ARHGAP45: variants seen among roughly 807,000 people sequenced by gnomAD.
ARHGAP45 encodes the protein Rho GTPase activating protein 45, also known as rho GTPase-activating protein 45.
ARHGAP45 carries 56 observed loss-of-function variants against 116.1 expected under a neutral mutation model. The observed-to-expected ratio is 0.48, with a 90% CI of 0.39 to 0.60. The LOEUF (loss-of-function observed/expected upper bound fraction) is 0.60. ARHGAP45 is among the 20% of genes least tolerant of loss of function. The pLI is 0.00. For missense variants in ARHGAP45, 1,622 were observed against 1,601.0 expected (o/e 1.01, Z -0.22); for synonymous variants, 866 against 701.7 (o/e 1.23, Z -3.70).
Position 1,071,435 on chromosome 19 carries a change from G to T in ARHGAP45, c.422-1714G>T. The T allele has an allele frequency of 9.4e-7, 1 of 1,059,576 alleles. No individual in the cohort carries two copies. Among genetic ancestry groups the T allele is most frequent in the Non-Finnish European group, 1.1e-6 (1 of 871,776 alleles). The allele number at this position is 1,059,576 out of a possible 1,614,324, so 65.6% of individuals were successfully genotyped here. ...GCGCTCGGGCCGTTTGCCGCCCGCG[G>T]TGGGGGAGCAGCGGCTGCCGCGCGC... On this transcript the variant is annotated intron_variant, in intron 2 of 22. Coordinates refer to ENST00000313093, the MANE Select transcript of ARHGAP45 (RefSeq NM_012292.5). The surrounding 1 kb of genome is among the most constrained non-coding windows in gnomAD (Gnocchi z 4.6).
rs1296695238 is a variant in ARHGAP45 at position 1,080,717 on chromosome 19, G to A, written c.1948G>A (p.Gly650Ser). Residue 650 changes from glycine (G) to serine (S), a missense_variant, in exon 16 of 23, where the codon GGT becomes AGT. By Grantham distance (56) the Gly-to-Ser change is moderately conservative. This residue lies in a region of ARHGAP45 where 1,334 missense variants were observed against 1,263.8 expected (regional missense o/e 1.06). Coordinates refer to ENST00000313093, the MANE Select transcript of ARHGAP45 (RefSeq NM_012292.5). ...FKKFERTSSS[G>S]TMSSTEELVD... is the part of the protein sequence containing the mutation. The stretch of plus-strand genomic sequence containing the variant: ...GAAGTTCGAGCGGACGTCATCCAGT[G>A]GTACCATGTCGTCCACGGAGGAGCT... 1 of 1,613,614 alleles carries A rather than the reference G, an allele frequency of 6.2e-7. No individual in the cohort carries two copies. The highest frequency in any genetic ancestry group is 1.1e-5 in the South Asian group (1 of 91,078).
In ARHGAP45 at chr19:1,085,669, T is replaced by C; in HGVS notation, c.3074T>C (p.Val1025Ala). 1 of 1,566,700 alleles carries C rather than the reference T, an allele frequency of 6.4e-7. No homozygotes were observed. The highest frequency in any genetic ancestry group is 1.2e-5 in the South Asian group (1 of 86,434). ...AAADGCRESR[V>A]VSNDSDSDLE... ...TGTCTCCCTTTCTTAGAATCCCGAG[T>C]TGTGTCCAACGATTCGGACTCGGAC... Residue 1025 changes from valine (V) to alanine (A), a missense_variant, in exon 23 of 23, where the codon GTT becomes GCT. Val to Ala is a moderately conservative substitution (Grantham distance 64). Coordinates refer to ENST00000313093, the MANE Select transcript of ARHGAP45 (RefSeq NM_012292.5).
intron 1 of ARHGAP45, 107 bp downstream of exon 1, chr19:1,067,602 C>A: frequency 9.3e-7 from 1 of 1,071,148 alleles, no homozygotes; most frequent in Non-Finnish European, 1.4e-6. Context: ...GGGCTCGTGC[C>A]AGCTACAGCC....
In ARHGAP45 at chr19:1,068,759, G is replaced by T. The variant is rs1432489517; in HGVS notation, c.421+15G>T. On this transcript the variant is annotated intron_variant, in intron 2 of 22. Coordinates refer to ENST00000313093, the MANE Select transcript of ARHGAP45 (RefSeq NM_012292.5). This position sits in a 1 kb window ranked among gnomAD's most constrained non-coding sequence, Gnocchi z 7.5. ...GTTGCGTGACGGTGAGAGCCACGGGGACACCGAGGCCTGGGTGGAAGACAG... is the reference window on the plus strand; with the variant it reads ...GTTGCGTGACGGTGAGAGCCACGGGTACACCGAGGCCTGGGTGGAAGACAG... 1.9e-6 allele frequency: 3 copies of T among 1,606,860 alleles called. No individual in the cohort carries two copies. The highest frequency in any genetic ancestry group is 1.7e-5 in the Admixed American group (1 of 59,828).
intron 1 of ARHGAP45, among the ~76,000 whole-genome samples, chr19:1,067,958 G>C (rs545501142): frequency 2.1e-5 from 3 of 146,288 alleles, no homozygotes; most frequent in African/African-American, 5.0e-5. Context: ...CAAAGCTGGG[G>C]GGGGGGTCTA....
chr19:1,074,042 C>T (rs2043187729), intron 6 of ARHGAP45, 28 bp downstream of exon 6: 1 of 1,601,430 alleles, frequency 6.2e-7, no homozygotes, highest in Non-Finnish European at 8.5e-7. Flanking sequence ...GGCAGGCAGG[C>T]ATTTGAGGGG....
intron 22 of ARHGAP45, 80 bp downstream of exon 22, chr19:1,084,426 T>A (rs1199029747): frequency 9.1e-7 from 1 of 1,095,060 alleles, no homozygotes; most frequent in Non-Finnish European, 1.4e-6. Flanking sequence ...GACCTAGTTG[T>A]ACACACGTGG....
chr19:1,073,827 C>T (rs960255124), intron 5 of ARHGAP45, 81 bp downstream of exon 5: 2 of 1,533,632 alleles, frequency 1.3e-6, no homozygotes, highest in Admixed American at 2.0e-5. Context: ...CAGACAGTCA[C>T]CCTGCTTCCC....
intron 22 of ARHGAP45, among the ~76,000 whole-genome samples, chr19:1,084,909 C>T (rs2043558735): frequency 6.6e-6 from 1 of 152,114 alleles, no homozygotes; most frequent in African/African-American, 2.4e-5. Context: ...TGGTGAAATC[C>T]CATCTCTACT....
chr19:1,084,456 C>T, intron 22 of ARHGAP45, 110 bp downstream of exon 22: 1 of 740,158 alleles, frequency 1.4e-6, no homozygotes, highest in Admixed American at 2.8e-5. Context: ...CGGTGCTGCA[C>T]ATTCTGTGGA....
At chr19:1,077,473 T>C (rs563195495) in intron 10 of ARHGAP45, 3 of 1,028,698 alleles carry the variant, frequency 2.9e-6, no homozygotes, top group South Asian at 5.8e-5. Context: ...GCCTCCTGGG[T>C]TCAAGCTGTT....
chr19:1,066,833 C>CCG (rs1555704621), upstream of ARHGAP45, among the ~76,000 whole-genome samples: 1 of 151,452 alleles, frequency 6.6e-6, no homozygotes, highest in Non-Finnish European at 1.5e-5. Context: ...GGCGGTGGAG[C>CCG]GGGCTTGCCT....
In ARHGAP45 at chr19:1,073,189, G is replaced by A; in HGVS notation, c.462G>A (p.Leu154=). The A allele has an allele frequency of 1.2e-6, 2 of 1,612,138 alleles. No individual in the cohort carries two copies. Among genetic ancestry groups the A allele is most frequent in the South Asian group, 1.1e-5 (1 of 91,070 alleles). ...EARRPRAHEC[L]GEALRVMHQI... ...GCCGCCCGCGGGCCCACGAGTGCCT[G>A]GGTGAGGCTCTGCGTGTCATGCATC... Residue 154 remains leucine, a synonymous_variant, in exon 3 of 23, where the codon CTG becomes CTA. Transcript: ENST00000313093.
chr19:1,075,278 C>G (rs374050098), intron 10 of ARHGAP45, among the ~76,000 whole-genome samples: 299 of 148,952 alleles, frequency 2.0e-3, no homozygotes, highest in African/African-American at 6.6e-3. Flanking sequence ...CTCTGTCGCC[C>G]AGGCTGCAGG....
intron 21 of ARHGAP45, among the ~76,000 whole-genome samples, chr19:1,083,573 C>T (rs1442861189): frequency 6.6e-6 from 1 of 152,186 alleles, no homozygotes; most frequent in Non-Finnish European, 1.5e-5. Flanking sequence ...TCTGCGGCCG[C>T]CCCTCCACTC....
chr19:1,080,315 G>A lies in ARHGAP45; in HGVS notation c.1764G>A (p.Glu588=), dbSNP rs1435849023. Residue 588 remains glutamate (E), a synonymous_variant, in exon 14 of 23, where the codon GAG becomes GAA. Transcript: ENST00000313093. ...SFNVSDVARP[E]AAGSPPEEGG... ...ACGTGAGTGATGTGGCGCGGCCGGA[G>A]GCTGCCGGGAGCCCCCCAGAAGAAG... The A allele has an allele frequency of 6.2e-7, 1 of 1,611,252 alleles. No individual in the cohort carries two copies. The highest frequency in any genetic ancestry group is 8.5e-7 in the Non-Finnish European group (1 of 1,179,642).
At chr19:1,076,034 T>C (rs527426662) in intron 10 of ARHGAP45, among the ~76,000 whole-genome samples, 3 of 152,168 alleles carry the variant, frequency 2.0e-5, no homozygotes, top group Non-Finnish European at 2.9e-5. Context: ...AACCCCTTTT[T>C]TCGGCTGTGC....
intron 2 of ARHGAP45, among the ~76,000 whole-genome samples, chr19:1,070,711 G>T (rs1449204285): frequency 6.6e-6 from 1 of 151,218 alleles, no homozygotes; most frequent in East Asian, 2.0e-4. Context: ...TAGAACTCCC[G>T]AGCTAAAAAC....
chr19:1,074,918 G>T (rs890530766), intron 10 of ARHGAP45, 39 bp downstream of exon 10: 22 of 1,465,128 alleles, frequency 1.5e-5, no homozygotes, highest in Non-Finnish European at 1.9e-5. Context: ...GGCGGGCAGC[G>T]GGCCTCGGCG....
Sources: gnomAD v4.1 joint callset for allele counts (sites outside exome capture counted in the v4.1 genomes callset) on GRCh38, gnomAD v4.1.1 for gene constraint, gnomAD v4.1.1 regional missense constraint, Gnocchi (gnomAD v3.1) non-coding constraint, MANE v1.5 for transcripts, NCBI Gene and HGNC (gene_info 2026-07-23, HGNC 2026-07-21) for gene names.